RETREG1: variants seen among roughly 807,000 people sequenced by gnomAD.
RETREG1 encodes family with sequence similarity 134 member B.
A neutral mutation model predicts 54.8 loss-of-function variants in RETREG1; 44 were observed. The ratio of observed to expected loss-of-function variants is 0.80; its 90% CI spans 0.63 to 1.03. The LOEUF is 1.03. Among genes scored for constraint, RETREG1 ranks in the 50% least tolerant of loss-of-function variants. The pLI is 0.00. For synonymous variants in RETREG1, 217 were observed against 238.5 expected, an observed-to-expected ratio of 0.91 and a Z score of 0.83; for missense variants, 554 against 605.1, an observed-to-expected ratio of 0.92 and a Z score of 0.89.
intron 3 of RETREG1, among the ~76,000 whole-genome samples, chr5:16,521,924 G>A (rs1053919769): frequency 1.3e-5 from 2 of 152,162 alleles, no homozygotes; most frequent in African/African-American, 2.4e-5. Context: ...TTCCATATTC[G>A]CTTTGGGGTG....
intron 1 of RETREG1, among the ~76,000 whole-genome samples, chr5:16,596,053 G>T (rs2126349955): frequency 6.6e-6 from 1 of 152,300 alleles, no homozygotes; most frequent in Non-Finnish European, 1.5e-5. Flanking sequence ...TCTGATATGG[G>T]TCATAATGTC....
At chr5:16,560,686 T>C (rs10452497) in intron 3 of RETREG1, among the ~76,000 whole-genome samples, 3,193 of 152,342 alleles carry the variant, frequency 0.021, 104 homozygotes, top group African/African-American at 0.073. Flanking sequence ...TAATCCCACA[T>C]GGCTCACATG....
chr5:16,578,687 A>G (rs1742408032), intron 1 of RETREG1, among the ~76,000 whole-genome samples: 2 of 152,322 alleles, frequency 1.3e-5, no homozygotes, highest in Non-Finnish European at 2.9e-5. Context: ...CAGGAAGCTC[A>G]ACATTTCTTG....
chr5:16,514,665 C>CTTTT (rs1270969828), intron 3 of RETREG1, among the ~76,000 whole-genome samples: 1 of 151,762 alleles, frequency 6.6e-6, no homozygotes, highest in Non-Finnish European at 1.5e-5. Context: ...AGTGTGCAGT[C>CTTTT]TTTTATCCCT....
intron 3 of RETREG1, among the ~76,000 whole-genome samples, chr5:16,517,278 G>C (rs1329906962): frequency 6.6e-6 from 1 of 152,092 alleles, no homozygotes; most frequent in Non-Finnish European, 1.5e-5. Context: ...GTGTAGGCCT[G>C]ACCTGAACAC....
At chr5:16,568,678 G>A (rs1190235274) in intron 2 of RETREG1, among the ~76,000 whole-genome samples, 2 of 152,146 alleles carry the variant, frequency 1.3e-5, no homozygotes, top group Non-Finnish European at 2.9e-5. Context: ...AGTTGCCAGG[G>A]GCTGGAGGAA....
chr5:16,571,483 C>A (rs1365450946), intron 2 of RETREG1, among the ~76,000 whole-genome samples: 1 of 148,362 alleles, frequency 6.7e-6, no homozygotes, highest in Non-Finnish European at 1.5e-5. Flanking sequence ...GTTAAATTAC[C>A]CAAAAAGCAC....
intron 3 of RETREG1, among the ~76,000 whole-genome samples, chr5:16,487,842 C>A (rs1216625282): frequency 6.6e-6 from 1 of 152,238 alleles, no homozygotes; most frequent in African/African-American, 2.4e-5. Context: ...GGAGCTTTGG[C>A]TTCTCAGTAG....
At chr5:16,609,169 C>T (rs1743273440) in intron 1 of RETREG1, among the ~76,000 whole-genome samples, 1 of 152,214 alleles carries the variant, frequency 6.6e-6, no homozygotes, top group African/African-American at 2.4e-5. Flanking sequence ...TCCATCACTA[C>T]AAACATTCTA....
In RETREG1 at chr5:16,475,246, A is replaced by G. The variant is rs1738486197; in HGVS notation, c.1001-12T>C. On this transcript the variant is annotated splice_polypyrimidine_tract_variant and intron_variant, in intron 8 of 8. Coordinates refer to ENST00000306320, the MANE Select transcript of RETREG1 (RefSeq NM_001034850.3). ...GGGTCGGTCAAGATCTGTGAAATGG[A>G]TAACAGAAGTTCAGACTGAAGCACC... The G allele has an allele frequency of 1.2e-6, 2 of 1,609,540 alleles. No homozygotes were observed. Among genetic ancestry groups the G allele is most frequent in the Non-Finnish European group, 1.7e-6 (2 of 1,179,702 alleles).
rs771438200 is a variant in RETREG1, at chr5:16,616,628, C to A, written c.320+24G>T. ...CCAAGGTCACCTGCCCTCCTCAGCGCCCCCACCTTGCCCAAGCTCTCACCA... is the reference window on the plus strand; with the variant it reads ...CCAAGGTCACCTGCCCTCCTCAGCGACCCCACCTTGCCCAAGCTCTCACCA... On this transcript the variant is annotated intron_variant, in intron 1 of 8. Transcript: ENST00000306320. The A allele has an allele frequency of 2.5e-6, 4 of 1,572,938 alleles. 1 individual carries two copies. The highest frequency in any genetic ancestry group is 4.6e-5 in the East Asian group (2 of 43,094).
chr5:16,528,614 G>A (rs1343564986), intron 3 of RETREG1, among the ~76,000 whole-genome samples: 1 of 152,204 alleles, frequency 6.6e-6, no homozygotes. Flanking sequence ...ACAAAGCCAA[G>A]AGGGTTTCCC....
intron 3 of RETREG1, among the ~76,000 whole-genome samples, chr5:16,519,616 T>C (rs886864954): frequency 2.0e-5 from 3 of 152,128 alleles, no homozygotes; most frequent in Admixed American, 6.5e-5. Context: ...ACCAGGACAC[T>C]CAAACCAACA....
At chr5:16,530,328 T>C (rs988262646) in intron 3 of RETREG1, among the ~76,000 whole-genome samples, 21 of 152,204 alleles carry the variant, frequency 1.4e-4, no homozygotes, top group Admixed American at 1.4e-3. Context: ...CCTGCCTGGG[T>C]GCTCATGCTG....
At chr5:16,565,938 A>G in intron 2 of RETREG1, 145 bp from the exon 3 acceptor site, 1 of 844,210 alleles carries the variant, frequency 1.2e-6, no homozygotes. Flanking sequence ...TACAGTGTAC[A>G]CTGCTGGCAC....
At chr5:16,541,623 G>C (rs1490474151) in intron 3 of RETREG1, among the ~76,000 whole-genome samples, 1 of 152,000 alleles carries the variant, frequency 6.6e-6, no homozygotes, top group African/African-American at 2.4e-5. Context: ...GGAGGCAAAG[G>C]TTGCAGTGAG....
rs1389131727 is a variant in RETREG1 at position 16,550,138 on chromosome 5, TACACCCCAGTGAGGATACTACACCATG to T, written c.458+15598_458+15624del. Among the ~76,000 whole-genome samples the T allele has an allele frequency of 3.3e-5, 5 of 152,190 alleles. No homozygotes were observed. In the South Asian group the frequency reaches 8.3e-4, roughly 25 times the overall value. On this transcript the variant is annotated intron_variant, in intron 3 of 8. Coordinates refer to ENST00000306320, the MANE Select transcript of RETREG1 (RefSeq NM_001034850.3). ...AAACAGCACGTGAGTAATAATGCAA[TACACCCCAGTGAGGATACTACACCATG>T]ACACCCCAGTGAGGATACTACACCA...
intron 1 of RETREG1, among the ~76,000 whole-genome samples, chr5:16,601,999 T>C (rs1337254911): frequency 6.6e-6 from 1 of 152,062 alleles, no homozygotes; most frequent in African/African-American, 2.4e-5. Context: ...AACCCAGAAC[T>C]CTAAATCAAG....
At chr5:16,599,300 C>G (rs977380300) in intron 1 of RETREG1, among the ~76,000 whole-genome samples, 1 of 152,244 alleles carries the variant, frequency 6.6e-6, no homozygotes, top group East Asian at 1.9e-4. Context: ...TAGCTAGAAC[C>G]AAATATACTC....
Sources: gnomAD v4.1 joint callset for allele counts (sites outside exome capture counted in the v4.1 genomes callset) on GRCh38, gnomAD v4.1.1 for gene constraint, MANE v1.5 for transcripts, NCBI Gene and HGNC (gene_info 2026-07-23, HGNC 2026-07-21) for gene names.